Variants in CUBN observed in about 807,000 individuals in gnomAD.
CUBN encodes cubilin, also known as 460 kDa receptor.
In CUBN, 282 loss-of-function variants were observed where a neutral mutation model predicts 405.3. That is an observed-to-expected ratio of 0.70 (90% CI 0.63 to 0.77). The LOEUF is 0.77. Among genes scored for constraint, CUBN ranks in the 30% least tolerant of loss-of-function variants. The pLI is 0.00. For synonymous variants in CUBN, 1,684 were observed against 1,617.0 expected (o/e 1.04, Z -0.99); for missense variants, 4,514 against 4,475.2 (o/e 1.01, Z -0.25).
At chr10:16,829,359 C>CA (rs56835039) in intron 65 of CUBN, among the ~76,000 whole-genome samples, 1 of 138,996 alleles carries the variant, frequency 7.2e-6, no homozygotes, top group East Asian at 2.1e-4. Flanking sequence ...AAAAAAAAAA[C>CA]AAACTTGATA....
intron 50 of CUBN, among the ~76,000 whole-genome samples, 180 bp from the exon 51 acceptor site, chr10:16,904,295 G>A (rs188423972): frequency 2.5e-4 from 38 of 152,264 alleles, no homozygotes; most frequent in Middle Eastern, 3.4e-3. Flanking sequence ...TCCCTCCAAG[G>A]GGGTAAAACA....
intron 19 of CUBN, among the ~76,000 whole-genome samples, chr10:17,069,165 A>G (rs1835681306): frequency 6.6e-6 from 1 of 152,192 alleles, no homozygotes; most frequent in South Asian, 2.1e-4. Context: ...CACTGTAAAG[A>G]TATACCACAT....
At chr10:17,004,623 A>C (rs1197270221) in intron 28 of CUBN, among the ~76,000 whole-genome samples, 1 of 151,532 alleles carries the variant, frequency 6.6e-6, no homozygotes, top group African/African-American at 2.4e-5. Context: ...TCCCAGATTG[A>C]CACACATCTA....
rs570343243 is a variant in CUBN at position 17,113,098 on chromosome 10, C to G, written c.883+929G>C. Among the ~76,000 whole-genome samples the G allele has an allele frequency of 4.6e-5, 7 of 152,110 alleles. No homozygotes were observed. The South Asian group carries it at 1.5e-3, about 32-fold the overall frequency. On this transcript the variant is annotated intron_variant, in intron 8 of 66. Transcript: ENST00000377833. ...CTGGCCAACATGGCAAACCCCATCT[C>G]TACTAAAAATACAAAAATTAGCCGG... is the stretch of plus-strand genomic sequence containing the variant.
chr10:16,872,336 G>A lies in CUBN; in HGVS notation c.9236+2038C>T, dbSNP rs901893258. ...GCTGAAAACTGAAAAAATACATTTA[G>A]ATTGTATACATACATATATATATAG... On this transcript the variant is annotated intron_variant, in intron 58 of 66. Transcript: ENST00000377833. Among the ~76,000 whole-genome samples the A allele has an allele frequency of 1.3e-4, 17 of 128,646 alleles. 1 individual carries two copies. The highest frequency in any genetic ancestry group is 4.5e-4 in the African/African-American group (12 of 26,438). The allele number at this position is 128,646 out of a possible 152,430, so 84.4% of individuals were successfully genotyped here. A position where few individuals can be genotyped will look rare whatever the true frequency, so the allele number is the denominator to read the frequency against.
chr10:16,996,564 T>C (rs1293726332), intron 28 of CUBN, among the ~76,000 whole-genome samples: 2 of 152,226 alleles, frequency 1.3e-5, no homozygotes, highest in Admixed American at 1.3e-4. Context: ...ATTCCAGTAC[T>C]GAAACATTTA....
At chr10:17,109,813 T>C (rs192500533) in intron 9 of CUBN, 78 bp from the exon 10 acceptor site, 17 of 1,122,090 alleles carry the variant, frequency 1.5e-5, no homozygotes, top group East Asian at 1.2e-4. Context: ...GATTCAAATA[T>C]CATGAAATGG....
Position 16,835,120 on chromosome 10 carries a change from T to A in CUBN, c.10256A>T (p.Lys3419Met), listed in dbSNP as rs141890166. ...GGCTGTGAGAGTAACGGTGCAATCC[T>A]TGTCATTGTCGTAGTTATCTGGCCA... ...PGWPDNYDND[K>M]DCTVTLTAPQ... is the part of the protein sequence containing the mutation. Residue 3419 changes from lysine to methionine, a missense_variant, in exon 64 of 67, where the codon AAG becomes ATG. Around this residue, in one of 5 missense-constraint regions of CUBN, gnomAD observed 1,186 missense variants for 1,186.9 expected, o/e 1.00. Transcript: ENST00000377833. The A allele has an allele frequency of 1.2e-6, 2 of 1,614,194 alleles. No homozygotes were observed. Among genetic ancestry groups the A allele is most frequent in the South Asian group, 1.1e-5 (1 of 91,082 alleles).
intron 10 of CUBN, among the ~76,000 whole-genome samples, chr10:17,108,792 C>CAA (rs1836699099): frequency 6.6e-6 from 1 of 151,804 alleles, no homozygotes; most frequent in Non-Finnish European, 1.5e-5. Context: ...AAGATTAAAA[C>CAA]AAAAACAACA....
chr10:16,934,225 C>A (rs1010372458), intron 39 of CUBN, among the ~76,000 whole-genome samples: 7 of 152,086 alleles, frequency 4.6e-5, no homozygotes, highest in Middle Eastern at 3.2e-3. Context: ...AATAAATATG[C>A]CGCAGATTGC....
chr10:16,900,332 G>C (rs997284506), intron 53 of CUBN, among the ~76,000 whole-genome samples: 2 of 152,212 alleles, frequency 1.3e-5, no homozygotes, highest in African/African-American at 4.8e-5. Flanking sequence ...GCATCATGAA[G>C]TGTTGAGATC....
intron 33 of CUBN, 69 bp from the exon 34 acceptor site, chr10:16,950,180 G>T: frequency 1.9e-6 from 2 of 1,074,944 alleles, no homozygotes; most frequent in Non-Finnish European, 1.4e-6. Context: ...GATGGGGCAA[G>T]ACGGGGAGGT....
intron 66 of CUBN, among the ~76,000 whole-genome samples, chr10:16,825,779 G>A (rs556201060): frequency 1.1e-4 from 17 of 152,020 alleles, no homozygotes; most frequent in Non-Finnish European, 2.1e-4. Flanking sequence ...ATTAAAAAAT[G>A]AGCAAAACAG....
chr10:17,088,291 G>C lies in CUBN; in HGVS notation c.1820C>G (p.Pro607Arg). 6.2e-7 allele frequency: 1 copy of C among 1,613,554 alleles called. No homozygotes were observed. Reference sequence around the variant, plus strand: ...ATCTCTTCCTGGGGGATAGTTTCCAGGATACCCCGGAGACTTAATAGAACC... The same window carrying C: ...ATCTCTTCCTGGGGGATAGTTTCCACGATACCCCGGAGACTTAATAGAACC... ...PYGSIKSPGY[P>R]GNYPPGRDCV... Residue 607 changes from proline (P) to arginine (R), a missense_variant, in exon 15 of 67, where the codon CCT (proline) becomes CGT (arginine). Pro to Arg is a moderately radical substitution (Grantham distance 103). Around this residue, in one of 5 missense-constraint regions of CUBN, gnomAD observed 1,448 missense variants for 1,388.0 expected, o/e 1.04. Coordinates refer to ENST00000377833, the MANE Select transcript of CUBN (RefSeq NM_001081.4).
chr10:16,930,698 T>A (rs1416883625), intron 40 of CUBN, among the ~76,000 whole-genome samples: 1 of 152,118 alleles, frequency 6.6e-6, no homozygotes, highest in Non-Finnish European at 1.5e-5. Context: ...GGCAACTCTA[T>A]AAAATGAATA....
chr10:17,037,052 T>C (rs1834919298), intron 27 of CUBN, among the ~76,000 whole-genome samples: 1 of 152,226 alleles, frequency 6.6e-6, no homozygotes. Flanking sequence ...ATATTTCTTA[T>C]AATACAGGGT....
At chr10:16,887,802 T>C (rs1036284886) in intron 56 of CUBN, among the ~76,000 whole-genome samples, 3 of 152,198 alleles carry the variant, frequency 2.0e-5, no homozygotes, top group African/African-American at 7.2e-5. Flanking sequence ...TGATTCATAA[T>C]GGCCAAGACA....
intron 36 of CUBN, 63 bp from the exon 37 acceptor site, chr10:16,940,300 C>T (rs1261660964): frequency 1.1e-5 from 15 of 1,412,402 alleles, no homozygotes; most frequent in Admixed American, 3.3e-5. Flanking sequence ...GGGATTCTCC[C>T]GGATCACATG....
intron 56 of CUBN, among the ~76,000 whole-genome samples, chr10:16,884,434 G>A (rs1021335487): frequency 4.6e-5 from 7 of 151,274 alleles, no homozygotes; most frequent in African/African-American, 1.7e-4. Flanking sequence ...TTGGCCACAT[G>A]AATAATGAGA....
Sources: allele counts gnomAD v4.1 joint callset (sites outside exome capture counted in the v4.1 genomes callset), GRCh38; gene constraint gnomAD v4.1.1; regional missense constraint gnomAD v4.1.1; transcripts MANE v1.5; gene names NCBI Gene and HGNC (gene_info 2026-07-23, HGNC 2026-07-21).